The following AOAH variants were observed in gnomAD, a reference collection of about 807,000 sequenced individuals.
AOAH encodes acyloxyacyl hydrolase.
Under a neutral mutation model 92.2 loss-of-function variants are expected in AOAH, and 64 were observed. That is an observed-to-expected ratio of 0.69 (90% CI 0.57 to 0.86). The LOEUF (loss-of-function observed/expected upper bound fraction) is 0.86, where lower values mean the gene tolerates loss of function less well. AOAH is among the 40% of genes least tolerant of loss of function. The pLI is 0.00. For missense variants in AOAH, 656 were observed against 694.6 expected, an observed-to-expected ratio of 0.94 and a Z score of 0.62; for synonymous variants, 263 against 254.5, an observed-to-expected ratio of 1.03 and a Z score of -0.32.
intron 11 of AOAH, among the ~76,000 whole-genome samples, chr7:36,603,781 A>G (rs1450344869): frequency 6.6e-6 from 1 of 152,208 alleles, no homozygotes; most frequent in Non-Finnish European, 1.5e-5. Flanking sequence ...TCTGGGCTCC[A>G]TGTTTAACCT....
At chr7:36,530,139 C>T (rs183999423) in intron 19 of AOAH, among the ~76,000 whole-genome samples, 3 of 152,292 alleles carry the variant, frequency 2.0e-5, no homozygotes, top group African/African-American at 7.2e-5. Flanking sequence ...CTGTAGGTTG[C>T]CAGCTCAAAG....
At chr7:36,532,029 T>C (rs1583745072) in intron 18 of AOAH, 118 bp downstream of exon 18, 1 of 1,233,196 alleles carries the variant, frequency 8.1e-7, no homozygotes, top group East Asian at 2.4e-5. Flanking sequence ...TTTGATTTTG[T>C]TATTCACCAG....
At chr7:36,586,758 TTTAA>T (rs1295472980) in intron 12 of AOAH, among the ~76,000 whole-genome samples, 1 of 152,226 alleles carries the variant, frequency 6.6e-6, no homozygotes, top group Non-Finnish European at 1.5e-5. Context: ...TAAATGTACA[TTTAA>T]TTATCAATTC....
At chr7:36,566,359 CTTTT>C (rs11363143) in intron 13 of AOAH, among the ~76,000 whole-genome samples, 6 of 120,680 alleles carry the variant, frequency 5.0e-5, no homozygotes, top group Non-Finnish European at 7.0e-5. Flanking sequence ...TCATCCTTAA[CTTTT>C]TTTTTTTTTT....
intron 19 of AOAH, among the ~76,000 whole-genome samples, chr7:36,527,150 C>A (rs767803368): frequency 3.3e-5 from 5 of 152,174 alleles, no homozygotes; most frequent in Non-Finnish European, 7.4e-5. Context: ...AATGAGTCAG[C>A]AAGAGACAGA....
At chr7:36,656,950 G>A (rs531274930) in intron 4 of AOAH, among the ~76,000 whole-genome samples, 5 of 151,754 alleles carry the variant, frequency 3.3e-5, no homozygotes, top group African/African-American at 1.2e-4. Flanking sequence ...AATTCCACCT[G>A]AGCATTCATA....
At chr7:36,538,855 GATA>G (rs1448116591) in intron 16 of AOAH, among the ~76,000 whole-genome samples, 4 of 152,220 alleles carry the variant, frequency 2.6e-5, no homozygotes, top group Non-Finnish European at 5.9e-5. Flanking sequence ...TTGCTTGGAT[GATA>G]ATATTTGTGA....
intron 1 of AOAH, among the ~76,000 whole-genome samples, chr7:36,720,289 A>G (rs568837649): frequency 2.0e-5 from 3 of 152,012 alleles, no homozygotes; most frequent in South Asian, 2.1e-4. Context: ...AGCTGGGACT[A>G]CAGGCATGCC....
chr7:36,522,728 G>A (rs956857164), intron 19 of AOAH, among the ~76,000 whole-genome samples: 6 of 152,112 alleles, frequency 3.9e-5, no homozygotes, highest in African/African-American at 1.2e-4. Context: ...TTAACTCTAC[G>A]TCATTCCATC....
chr7:36,541,488 C>T (rs183008145), intron 15 of AOAH, among the ~76,000 whole-genome samples: 64 of 149,914 alleles, frequency 4.3e-4, no homozygotes, highest in African/African-American at 1.5e-3. Flanking sequence ...GACTTATATT[C>T]ATTTGGTTTG....
chr7:36,535,924 T>C (rs888163511), intron 16 of AOAH, among the ~76,000 whole-genome samples: 1 of 152,230 alleles, frequency 6.6e-6, no homozygotes, highest in African/African-American at 2.4e-5. Flanking sequence ...TGAGGCTTGC[T>C]GTCTGGTAAT....
At chr7:36,647,663 G>C (rs1162472348) in intron 4 of AOAH, among the ~76,000 whole-genome samples, 3 of 152,112 alleles carry the variant, frequency 2.0e-5, no homozygotes, top group Non-Finnish European at 4.4e-5. Context: ...CCCCAAATCA[G>C]TCTTAATACA....
rs778139986 is a variant in AOAH at position 36,512,989 on chromosome 7, T to C, written c.*263A>G. ...AACAATTAGCTGTAAAGGGCACAGATACTCTCTTGTTTGGAATGGCACCCA... is the reference window on the plus strand; with the variant it reads ...AACAATTAGCTGTAAAGGGCACAGACACTCTCTTGTTTGGAATGGCACCCA... On this transcript the variant is annotated 3_prime_UTR_variant, in exon 21 of 21. Transcript: ENST00000617537. The C allele has an allele frequency of 6.9e-7, 1 of 1,441,290 alleles. No homozygotes were observed. The highest frequency in any genetic ancestry group is 2.0e-5 in the Admixed American group (1 of 49,470). 89.3% of individuals were successfully genotyped at this position (1,441,290 alleles called of 1,614,324 possible).
At chr7:36,647,495 A>G (rs1448871248) in intron 4 of AOAH, among the ~76,000 whole-genome samples, 2 of 152,234 alleles carry the variant, frequency 1.3e-5, no homozygotes, top group African/African-American at 4.8e-5. Flanking sequence ...AATTTCTCAA[A>G]AGCAGACAAG....
At chr7:36,709,809 T>G (rs897192444) in intron 1 of AOAH, among the ~76,000 whole-genome samples, 1 of 151,892 alleles carries the variant, frequency 6.6e-6, no homozygotes, top group South Asian at 2.1e-4. Context: ...ATTTCCAGAG[T>G]GTGAAATCCA....
rs1310700733 is a variant in AOAH, at chr7:36,659,201, C to T, written c.355G>A (p.Gly119Ser). ...HTLEFCKQNTGQPLCHLYPLP... is the reference protein window; with the variant it reads ...HTLEFCKQNTSQPLCHLYPLP... ...GGGTAGAGATGACACAATGGTTGGCCAGTGTTCTGTTTACAAAACTCCAGA... is the reference window on the plus strand; with the variant it reads ...GGGTAGAGATGACACAATGGTTGGCTAGTGTTCTGTTTACAAAACTCCAGA... Residue 119 changes from glycine to serine, a missense_variant, in exon 4 of 21, where the codon GGC becomes AGC. Gly to Ser is a moderately conservative substitution (Grantham distance 56). Transcript: ENST00000617537. 6.2e-7 allele frequency: 1 copy of T among 1,614,042 alleles called. No homozygotes were observed. The highest frequency in any genetic ancestry group is 8.5e-7 in the Non-Finnish European group (1 of 1,179,932).
intron 1 of AOAH, among the ~76,000 whole-genome samples, chr7:36,688,184 T>G (rs1159514388): frequency 1.3e-5 from 2 of 152,228 alleles, no homozygotes; most frequent in Non-Finnish European, 2.9e-5. Flanking sequence ...ATTAATTTAG[T>G]AGCTGACGCT....
At position 36,691,446 on chromosome 7, in the gene AOAH, C is replaced by G. The variant is rs148759631; in HGVS notation, c.128-4652G>C. ...CAACGCCGGTGTGAATCTCATTGCACCTTACCCTTTCTTTCTTCTGCTTCC... is the reference window on the plus strand; with the variant it reads ...CAACGCCGGTGTGAATCTCATTGCAGCTTACCCTTTCTTTCTTCTGCTTCC... On this transcript the variant is annotated intron_variant, in intron 1 of 20. Coordinates refer to ENST00000617537, the MANE Select transcript of AOAH (RefSeq NM_001637.4). Among the ~76,000 whole-genome samples the G allele has an allele frequency of 2.2e-3, 336 of 152,276 alleles. 3 individuals carry two copies. The highest frequency in any genetic ancestry group is 7.8e-3 in the African/African-American group (326 of 41,552).
At chr7:36,576,032 A>G (rs537079557) in intron 13 of AOAH, among the ~76,000 whole-genome samples, 6 of 152,318 alleles carry the variant, frequency 3.9e-5, no homozygotes, top group Non-Finnish European at 8.8e-5. Flanking sequence ...TGGTGTTACA[A>G]AACATTCCTT....
Sources: gnomAD v4.1 joint callset for allele counts (sites outside exome capture counted in the v4.1 genomes callset) on GRCh38, gnomAD v4.1.1 for gene constraint, MANE v1.5 for transcripts, NCBI Gene and HGNC (gene_info 2026-07-23, HGNC 2026-07-21) for gene names.